The following KSR1 variants were observed in gnomAD, a reference collection of about 807,000 sequenced individuals.
KSR1 encodes kinase suppressor of ras 1, also known as kinase suppressor of ras.
Under a neutral mutation model 92.9 loss-of-function variants are expected in KSR1, and 35 were observed. That is an observed-to-expected ratio of 0.38 (90% CI 0.29 to 0.50). The LOEUF (loss-of-function observed/expected upper bound fraction) is 0.50. KSR1 is among the 20% of genes least tolerant of loss of function. KSR1 has a pLI of 0.94. For synonymous variants in KSR1, 467 were observed against 472.6 expected, an observed-to-expected ratio of 0.99 and a Z score of 0.15; for missense variants, 972 against 1,158.5, an observed-to-expected ratio of 0.84 and a Z score of 2.34.
At chr17:27,579,860 A>G (rs2072668902) in intron 3 of KSR1, 1 of 123,194 alleles carries the variant, frequency 8.1e-6, no homozygotes, top group African/African-American at 3.0e-5. Context: ...TTGGTAACAG[A>G]GCCAGATGCT....
chr17:27,600,982 G>T (rs1273356182), intron 10 of KSR1, among the ~76,000 whole-genome samples: 1 of 152,336 alleles, frequency 6.6e-6, no homozygotes, highest in East Asian at 1.9e-4. Context: ...TACAGGTGGG[G>T]CTCAGGGGGA....
chr17:27,599,241 T>C (rs919088499), intron 10 of KSR1, among the ~76,000 whole-genome samples: 2 of 152,170 alleles, frequency 1.3e-5, no homozygotes, highest in Non-Finnish European at 2.9e-5. Flanking sequence ...ACAGAAAAGC[T>C]ACAGTAAATA....
intron 1 of KSR1, among the ~76,000 whole-genome samples, chr17:27,492,945 T>A (rs1425428136): frequency 6.6e-6 from 1 of 152,216 alleles, no homozygotes; most frequent in Non-Finnish European, 1.5e-5. Context: ...CCAGCCTTAC[T>A]TTTTGTCTTT....
chr17:27,576,554 GGT>G (rs939038279), intron 2 of KSR1, among the ~76,000 whole-genome samples: 4 of 152,136 alleles, frequency 2.6e-5, no homozygotes, highest in African/African-American at 9.7e-5. Flanking sequence ...TGTGGGGAGA[GGT>G]CGTGGCAGTT....
At chr17:27,598,237 C>G (rs1238970456) in intron 10 of KSR1, among the ~76,000 whole-genome samples, 2 of 152,214 alleles carry the variant, frequency 1.3e-5, no homozygotes, top group African/African-American at 4.8e-5. Context: ...TTCGCAGTCC[C>G]AGAGGAAGGA....
At chr17:27,583,331 C>T (rs183102565) in intron 4 of KSR1, among the ~76,000 whole-genome samples, 67 of 152,336 alleles carry the variant, frequency 4.4e-4, no homozygotes, top group African/African-American at 1.4e-3. Flanking sequence ...CGTGATGCCA[C>T]GTATGGGTCA....
At chr17:27,585,836 A>C (rs1053217676) in intron 5 of KSR1, 175 bp downstream of exon 5, 2 of 646,668 alleles carry the variant, frequency 3.1e-6, no homozygotes, top group Non-Finnish European at 5.7e-6. Context: ...GGTGGCCTTA[A>C]AGTGACTGGC....
intron 2 of KSR1, among the ~76,000 whole-genome samples, chr17:27,555,420 T>C (rs1305864733): frequency 6.6e-6 from 1 of 152,264 alleles, no homozygotes; most frequent in Non-Finnish European, 1.5e-5. Context: ...ATTTATTTTG[T>C]TTCTCAAGTT....
At chr17:27,617,682 C>G in intron 19 of KSR1, 1 of 443,334 alleles carries the variant, frequency 2.3e-6, no homozygotes, top group African/African-American at 2.0e-5. Flanking sequence ...CACCTGCCAC[C>G]ACACTTGGCT....
chr17:27,479,793 A>G (rs1384625787), intron 1 of KSR1, among the ~76,000 whole-genome samples: 2 of 152,146 alleles, frequency 1.3e-5, no homozygotes, highest in African/African-American at 4.8e-5. Context: ...GAAAGGGGCC[A>G]TTCCTGAGCC....
chr17:27,603,885 C>T lies in KSR1; in HGVS notation c.1562C>T (p.Thr521Ile). The T allele has an allele frequency of 6.2e-7, 1 of 1,612,802 alleles. No individual in the cohort carries two copies. Among genetic ancestry groups the T allele is most frequent in the Non-Finnish European group, 8.5e-7 (1 of 1,179,316 alleles). Residue 521 changes from threonine (T) to isoleucine (I), a missense_variant, in exon 12 of 21, where the codon ACC becomes ATC. By Grantham distance (89) the Thr-to-Ile change is moderately conservative. Coordinates refer to ENST00000644974, the MANE Select transcript of KSR1 (RefSeq NM_001394583.1). ...CCGCTCCCTGAAGCTGCCGACGGTA[C>T]CCGGTAGGCATCCCTAGGTGGTGTC... ...AAPLPEAADG[T>I]RLDDQPKADV...
chr17:27,613,880 T>A (rs1462019604), intron 18 of KSR1, among the ~76,000 whole-genome samples: 1 of 152,246 alleles, frequency 6.6e-6, no homozygotes, highest in East Asian at 1.9e-4. Context: ...CTTGGCTCAC[T>A]GCAACCTCTG....
intron 1 of KSR1, among the ~76,000 whole-genome samples, chr17:27,538,830 G>T (rs1413304178): frequency 6.6e-6 from 1 of 152,162 alleles, no homozygotes; most frequent in Admixed American, 6.5e-5. Flanking sequence ...GGTGTCTGGG[G>T]CACTCATCTG....
intron 10 of KSR1, among the ~76,000 whole-genome samples, chr17:27,600,737 T>G (rs1047449788): frequency 6.6e-6 from 1 of 152,202 alleles, no homozygotes; most frequent in African/African-American, 2.4e-5. Context: ...ATGTGGTCCC[T>G]TGTTGACCAA....
At chr17:27,538,484 T>C (rs2070832075) in intron 1 of KSR1, among the ~76,000 whole-genome samples, 2 of 152,330 alleles carry the variant, frequency 1.3e-5, no homozygotes, top group Middle Eastern at 3.4e-3. Flanking sequence ...TAGCCAAAAC[T>C]GTCACAGGTA....
At chr17:27,512,876 A>G (rs1240004699) in intron 1 of KSR1, among the ~76,000 whole-genome samples, 2 of 152,238 alleles carry the variant, frequency 1.3e-5, no homozygotes, top group African/African-American at 4.8e-5. Context: ...TTGGTGAATT[A>G]TCACAAAGTG....
At chr17:27,532,703 C>G (rs1033881109) in intron 1 of KSR1, among the ~76,000 whole-genome samples, 3 of 152,150 alleles carry the variant, frequency 2.0e-5, no homozygotes, top group African/African-American at 7.2e-5. Context: ...CTGGTGGACT[C>G]TCTCCCAGGC....
At position 27,625,518 on chromosome 17, in the gene KSR1, A is replaced by G. The variant is rs1442760438; in HGVS notation, c.*2126A>G. The G allele has an allele frequency of 6.6e-6, 1 of 152,236 alleles. No homozygotes were observed. The highest frequency in any genetic ancestry group is 1.5e-5 in the Non-Finnish European group (1 of 68,050). The allele number at this position is 152,236 out of a possible 1,614,324, so 9.4% of individuals were successfully genotyped here. A position where few individuals can be genotyped will look rare whatever the true frequency, so the allele number is the denominator to read the frequency against. On this transcript the variant is annotated 3_prime_UTR_variant, in exon 21 of 21. Transcript: ENST00000644974. ...GTTGTCTTCAAGGAACCCAGAAGCC[A>G]CTGGGCCCCAAAGGTGGAACTGAAG...
At chr17:27,588,343 G>A (rs1481423256) in intron 5 of KSR1, 132 bp from the exon 6 acceptor site, 3 of 697,874 alleles carry the variant, frequency 4.3e-6, no homozygotes, top group Non-Finnish European at 6.8e-6. Context: ...GATGGACATA[G>A]ATCAGGGAGA....
Sources: gnomAD v4.1 joint callset for allele counts (sites outside exome capture counted in the v4.1 genomes callset) on GRCh38, gnomAD v4.1.1 for gene constraint, MANE v1.5 for transcripts, NCBI Gene and HGNC (gene_info 2026-07-23, HGNC 2026-07-21) for gene names.